The following SYCP2L variants were observed in gnomAD, a reference collection of about 807,000 sequenced individuals.
The protein encoded by SYCP2L is synaptonemal complex protein 2 like.
A neutral mutation model predicts 125.8 loss-of-function variants in SYCP2L; 98 were observed. The observed-to-expected ratio is 0.78, with a 90% CI of 0.66 to 0.92. The LOEUF (loss-of-function observed/expected upper bound fraction) is 0.92, where lower values mean the gene tolerates loss of function less well. Among genes scored for constraint, SYCP2L ranks in the 40% least tolerant of loss-of-function variants. SYCP2L has a pLI of 0.00. For synonymous variants in SYCP2L, 317 were observed against 325.4 expected, an observed-to-expected ratio of 0.97 and a Z score of 0.28; for missense variants, 842 against 936.4, an observed-to-expected ratio of 0.90 and a Z score of 1.32.
Position 10,954,808 on chromosome 6 carries a change from C to T in SYCP2L, c.1955-308C>T, listed in dbSNP as rs934011920. Among the ~76,000 whole-genome samples the T allele has an allele frequency of 7.9e-5, 12 of 152,206 alleles. No homozygotes were observed. The highest frequency in any genetic ancestry group is 1.6e-4 in the Non-Finnish European group (11 of 68,038). On this transcript the variant is annotated intron_variant, in intron 23 of 29. Transcript: ENST00000283141. The surrounding 1 kb of genome is among the most constrained non-coding windows in gnomAD (Gnocchi z 4.8). ...GCTATTTAGCTCAGAGCCCTGGAAG[C>T]GTTGCTTTTGATGTCTACCATTACT...
At chr6:10,917,536 C>T (rs1780713563) in intron 14 of SYCP2L, among the ~76,000 whole-genome samples, 1 of 152,062 alleles carries the variant, frequency 6.6e-6, no homozygotes, top group African/African-American at 2.4e-5. Flanking sequence ...TTATGTGAGT[C>T]CTTATGTGTT....
chr6:10,898,681 C>T lies in SYCP2L; in HGVS notation c.442-143C>T, dbSNP rs988545743. The T allele has an allele frequency of 1.3e-5, 8 of 638,134 alleles. No individual in the cohort carries two copies. In the Admixed American group the frequency reaches 1.7e-4, roughly 14 times the overall value. The allele number at this position is 638,134 out of a possible 1,614,324, so 39.5% of individuals were successfully genotyped here. A position where few individuals can be genotyped will look rare whatever the true frequency, so the allele number is the denominator to read the frequency against. On this transcript the variant is annotated intron_variant, in intron 5 of 29. Transcript: ENST00000283141. ...ACATTTTAAGGAAGTGATTAAGGCC[C>T]AGATAGGCTTTCTCTAAAATGCTTT...
At chr6:10,931,328 C>A in intron 19 of SYCP2L, 112 bp from the exon 20 acceptor site, 1 of 984,144 alleles carries the variant, frequency 1.0e-6, no homozygotes, top group African/African-American at 1.6e-5. Flanking sequence ...TTTCTGGAAG[C>A]TGTAGGAAGT....
intron 14 of SYCP2L, among the ~76,000 whole-genome samples, chr6:10,915,069 T>C (rs772574439): frequency 1.3e-5 from 2 of 152,078 alleles, no homozygotes; most frequent in African/African-American, 2.4e-5. Flanking sequence ...TTTTATTTTG[T>C]TTTTTGCATC....
intron 23 of SYCP2L, among the ~76,000 whole-genome samples, chr6:10,943,018 C>G (rs1453181803): frequency 2.0e-5 from 3 of 152,168 alleles, no homozygotes; most frequent in African/African-American, 7.2e-5. Context: ...GTCACACCTT[C>G]TCTCCAGCCT....
intron 4 of SYCP2L, 148 bp from the exon 5 acceptor site, chr6:10,897,863 G>A (rs1780284969): frequency 1.7e-6 from 1 of 605,462 alleles, no homozygotes; most frequent in African/African-American, 1.9e-5. Context: ...TCTGGTGGGA[G>A]GCCTCAGAGC....
chr6:10,942,312 C>A, intron 21 of SYCP2L, 147 bp from the exon 22 acceptor site: 1 of 585,950 alleles, frequency 1.7e-6, no homozygotes, highest in Non-Finnish European at 2.9e-6. Flanking sequence ...AATTCGTGTC[C>A]CGAAAGACAC....
intron 8 of SYCP2L, among the ~76,000 whole-genome samples, chr6:10,903,959 A>G (rs1780438245): frequency 6.6e-6 from 1 of 152,140 alleles, no homozygotes; most frequent in South Asian, 2.1e-4. Context: ...GCGTGGCTTC[A>G]AATCCTAGTT....
intron 2 of SYCP2L, 50 bp downstream of exon 2, chr6:10,891,631 G>GTA (rs1561678003): frequency 2.5e-5 from 13 of 516,002 alleles, no homozygotes; most frequent in Admixed American, 2.8e-5. Flanking sequence ...GTGTGTGTGT[G>GTA]TGTGTGTGTG....
chr6:10,947,968 G>C (rs1408141806), intron 23 of SYCP2L, among the ~76,000 whole-genome samples: 1 of 152,076 alleles, frequency 6.6e-6, no homozygotes, highest in Non-Finnish European at 1.5e-5. Context: ...AAGTATTGAA[G>C]TTATGAAATG....
At chr6:10,931,896 TG>T (rs1012404132) in intron 20 of SYCP2L, among the ~76,000 whole-genome samples, 7 of 138,882 alleles carry the variant, frequency 5.0e-5, no homozygotes, top group African/African-American at 2.7e-5. Context: ...GCCTAGGAGG[TG>T]GGGTTTGCAG....
chr6:10,911,998 T>C (rs1780617487), intron 12 of SYCP2L, among the ~76,000 whole-genome samples: 1 of 139,140 alleles, frequency 7.2e-6, no homozygotes, highest in Non-Finnish European at 1.5e-5. Flanking sequence ...GCCTCCCGGG[T>C]TCATGCCATT....
intron 14 of SYCP2L, 40 bp from the exon 15 acceptor site, chr6:10,924,456 A>G (rs777501540): frequency 1.4e-6 from 2 of 1,444,472 alleles, no homozygotes; most frequent in South Asian, 1.5e-5. Context: ...AAAACATTGA[A>G]GTATGTTGCT....
Position 10,887,074 on chromosome 6 carries a change from C to T in SYCP2L, c.-53C>T, listed in dbSNP as rs1483357660. The T allele has an allele frequency of 4.3e-6, 7 of 1,612,896 alleles. No homozygotes were observed. In the South Asian group the frequency reaches 5.5e-5, roughly 13 times the overall value. ...GGCGGGGAAGCAGGAGAGGGCCGAC[C>T]GAGCGCAACAAAGCTGAGCGGCGCG... On this transcript the variant is annotated 5_prime_UTR_variant, in exon 1 of 30. Transcript: ENST00000283141.
chr6:10,968,337 G>A (rs964047808), intron 29 of SYCP2L, among the ~76,000 whole-genome samples: 17 of 152,162 alleles, frequency 1.1e-4, no homozygotes, highest in Non-Finnish European at 1.9e-4. Flanking sequence ...TTACTGCTAA[G>A]CTGATAGGAA....
intron 6 of SYCP2L, among the ~76,000 whole-genome samples, chr6:10,899,268 C>T (rs1780337244): frequency 6.6e-6 from 1 of 152,156 alleles, no homozygotes; most frequent in South Asian, 2.1e-4. Context: ...GGTAATTATG[C>T]TGGGTGTGGT....
chr6:10,942,839 A>C, intron 23 of SYCP2L, 93 bp downstream of exon 23: 20 of 1,170,530 alleles, frequency 1.7e-5, no homozygotes, highest in Non-Finnish European at 2.3e-5. Flanking sequence ...ATTGCAGATC[A>C]AGTCACTTTG....
At chr6:10,927,411 A>G (rs749209862) in intron 17 of SYCP2L, 44 bp downstream of exon 17, 11 of 1,520,810 alleles carry the variant, frequency 7.2e-6, no homozygotes, top group Admixed American at 1.7e-5. Flanking sequence ...CAGGTTGAGA[A>G]ATAAAGGGAC....
chr6:10,901,812 G>C (rs551680695), intron 6 of SYCP2L, among the ~76,000 whole-genome samples: 2 of 152,360 alleles, frequency 1.3e-5, no homozygotes, highest in Admixed American at 1.3e-4. Context: ...TGGCTCAAGG[G>C]ACTGAAAAGT....
Sources: allele counts gnomAD v4.1 joint callset (sites outside exome capture counted in the v4.1 genomes callset), GRCh38; gene constraint gnomAD v4.1.1; non-coding constraint Gnocchi (gnomAD v3.1); transcripts MANE v1.5; gene names NCBI Gene and HGNC (gene_info 2026-07-23, HGNC 2026-07-21).